The following ATRNL1 variants were observed in gnomAD, a reference collection of about 807,000 sequenced individuals.
The protein encoded by ATRNL1 is attractin like 1.
Under a neutral mutation model 182.7 loss-of-function variants are expected in ATRNL1, and 95 were observed. The ratio of observed to expected loss-of-function variants is 0.52; its 90% CI spans 0.44 to 0.62. The LOEUF is 0.62. Among genes scored for constraint, ATRNL1 ranks in the 20% least tolerant of loss-of-function variants. The pLI is 0.00. For synonymous variants in ATRNL1, 576 were observed against 568.3 expected, an observed-to-expected ratio of 1.01 and a Z score of -0.19; for missense variants, 1,471 against 1,679.5, an observed-to-expected ratio of 0.88 and a Z score of 2.17.
At chr10:115,410,495 A>G (rs1554959652) in intron 20 of ATRNL1, among the ~76,000 whole-genome samples, 3 of 151,150 alleles carry the variant, frequency 2.0e-5, no homozygotes, top group Non-Finnish European at 4.4e-5. Context: ...TAATTTTTGT[A>G]TTTTTAGTAG....
chr10:115,648,031 A>G (rs1297955140), intron 26 of ATRNL1, among the ~76,000 whole-genome samples: 1 of 152,156 alleles, frequency 6.6e-6, no homozygotes, highest in African/African-American at 2.4e-5. Flanking sequence ...CAGTTTTCCC[A>G]GCACCATTTA....
At chr10:115,282,780 C>T (rs1852429172) in intron 14 of ATRNL1, among the ~76,000 whole-genome samples, 4 of 113,802 alleles carry the variant, frequency 3.5e-5, no homozygotes. Flanking sequence ...TATTTTACCT[C>T]TCTTTATCCC....
chr10:115,595,855 G>A (rs527307812), intron 26 of ATRNL1, among the ~76,000 whole-genome samples: 2 of 152,222 alleles, frequency 1.3e-5, no homozygotes, highest in African/African-American at 4.8e-5. Flanking sequence ...AAATCAAAAT[G>A]TCAGTATATT....
rs1843765670 is a variant in ATRNL1 at position 115,388,150 on chromosome 10, T to A, written c.3176-6509T>A. Among the ~76,000 whole-genome samples the A allele has an allele frequency of 1.3e-5, 2 of 152,186 alleles. 1 individual carries two copies. The highest frequency in any genetic ancestry group is 3.8e-4 in the East Asian group (2 of 5,196). ...CTTGTTATAATATCTAACTTAGTGA[T>A]TATTTTCTTTAGGCCTTTTACAGTT... On this transcript the variant is annotated intron_variant, in intron 19 of 28. Coordinates refer to ENST00000355044, the MANE Select transcript of ATRNL1 (RefSeq NM_207303.4).
At chr10:115,561,929 A>G (rs1341186451) in intron 26 of ATRNL1, among the ~76,000 whole-genome samples, 2 of 152,162 alleles carry the variant, frequency 1.3e-5, no homozygotes, top group Admixed American at 1.3e-4. Context: ...ATTGTTGTTG[A>G]ATATTTAAAA....
At chr10:115,102,389 CACTTTATTAATGTATGTATGT>C (rs1554864789) in intron 1 of ATRNL1, among the ~76,000 whole-genome samples, 2 of 152,176 alleles carry the variant, frequency 1.3e-5, no homozygotes, top group African/African-American at 2.4e-5. Context: ...GCAAATTCCT[CACTTTATTAATGTATGTATGT>C]ACTTTATTAA....
In ATRNL1 at chr10:115,121,712, T is replaced by G; in HGVS notation, c.391T>G (p.Leu131Val). Reference protein sequence around the residue: ...WLIEGYPNAVLRLRFNHFATE... With the variant: ...WLIEGYPNAVVRLRFNHFATE... ...ATTCATTTTCAGTCCAAATGCAGTGTTAAGATTAAGATTCAATCATTTTGC... is the reference window on the plus strand; with the variant it reads ...ATTCATTTTCAGTCCAAATGCAGTGGTAAGATTAAGATTCAATCATTTTGC... Residue 131 changes from leucine (L) to valine (V), a missense_variant, in exon 3 of 29, where the codon TTA becomes GTA. Leu to Val is a conservative substitution (Grantham distance 32). Transcript: ENST00000355044. The G allele has an allele frequency of 1.3e-6, 2 of 1,524,200 alleles. No individual in the cohort carries two copies. Among genetic ancestry groups the G allele is most frequent in the Non-Finnish European group, 1.8e-6 (2 of 1,125,246 alleles). The allele number at this position is 1,524,200 out of a possible 1,614,324, so 94.4% of individuals were successfully genotyped here. A position where few individuals can be genotyped will look rare whatever the true frequency, so the allele number is the denominator to read the frequency against.
chr10:115,106,279 A>G (rs560619646), intron 1 of ATRNL1, among the ~76,000 whole-genome samples: 1 of 152,320 alleles, frequency 6.6e-6, no homozygotes, highest in Non-Finnish European at 1.5e-5. Flanking sequence ...CCCATTTGGA[A>G]TGGCTGTATT....
At chr10:115,308,202 T>C (rs185719030) in intron 17 of ATRNL1, among the ~76,000 whole-genome samples, 57 of 152,268 alleles carry the variant, frequency 3.7e-4, no homozygotes, top group Non-Finnish European at 7.4e-5. Flanking sequence ...AGAGGAAATG[T>C]TTTTTAAGAT....
intron 27 of ATRNL1, among the ~76,000 whole-genome samples, chr10:115,730,828 T>C (rs116516725): frequency 0.034 from 5,145 of 152,176 alleles, 276 homozygotes; most frequent in African/African-American, 0.11. Flanking sequence ...AGGAGTTTAT[T>C]AAGTATTACC....
At chr10:115,276,458 T>C (rs1426016708) in intron 13 of ATRNL1, among the ~76,000 whole-genome samples, 2 of 152,234 alleles carry the variant, frequency 1.3e-5, no homozygotes, top group Non-Finnish European at 2.9e-5. Flanking sequence ...TCAATGATGA[T>C]GTGTTAACAA....
chr10:115,135,537 G>T (rs1845466537), intron 5 of ATRNL1, among the ~76,000 whole-genome samples: 1 of 152,072 alleles, frequency 6.6e-6, no homozygotes, highest in South Asian at 2.1e-4. Context: ...AATAAAAGAG[G>T]ATACAAACAA....
chr10:115,199,526 T>G (rs1554891816), intron 8 of ATRNL1, among the ~76,000 whole-genome samples: 2 of 152,034 alleles, frequency 1.3e-5, no homozygotes, highest in Admixed American at 6.6e-5. Context: ...ATTGCACCAC[T>G]GCACTTCAGC....
intron 18 of ATRNL1, among the ~76,000 whole-genome samples, chr10:115,321,952 G>A (rs1854606332): frequency 6.6e-6 from 1 of 151,898 alleles, no homozygotes; most frequent in Admixed American, 6.6e-5. Context: ...AAAATCAGTA[G>A]CATTTTCATA....
chr10:115,717,913 A>G (rs1414463516), intron 26 of ATRNL1, among the ~76,000 whole-genome samples: 1 of 151,996 alleles, frequency 6.6e-6, no homozygotes, highest in Non-Finnish European at 1.5e-5. Flanking sequence ...TTGCCACCCT[A>G]CATTTTCTGG....
At chr10:115,457,596 A>C (rs556265964) in intron 21 of ATRNL1, among the ~76,000 whole-genome samples, 3 of 152,078 alleles carry the variant, frequency 2.0e-5, no homozygotes, top group African/African-American at 7.2e-5. Flanking sequence ...CTCTGCCCGC[A>C]CATTTCCCAA....
chr10:115,381,658 A>T (rs1858016968), intron 19 of ATRNL1, among the ~76,000 whole-genome samples: 1 of 151,630 alleles, frequency 6.6e-6, no homozygotes, highest in Non-Finnish European at 1.5e-5. Flanking sequence ...TCCATTCTTT[A>T]TTGTCCTCTT....
chr10:115,670,189 C>T (rs897964601), intron 26 of ATRNL1, among the ~76,000 whole-genome samples: 2 of 152,002 alleles, frequency 1.3e-5, no homozygotes, highest in African/African-American at 2.4e-5. Flanking sequence ...TATCCATATA[C>T]ATAGGGATAG....
chr10:115,683,328 A>G (rs921073895), intron 26 of ATRNL1, among the ~76,000 whole-genome samples: 4 of 152,006 alleles, frequency 2.6e-5, no homozygotes, highest in South Asian at 2.1e-4. Context: ...ACTGTCATTT[A>G]TATAATTTTT....
Sources: gnomAD v4.1 joint callset for allele counts (sites outside exome capture counted in the v4.1 genomes callset) on GRCh38, gnomAD v4.1.1 for gene constraint, MANE v1.5 for transcripts, NCBI Gene and HGNC (gene_info 2026-07-23, HGNC 2026-07-21) for gene names.